The following ERBB3 variants were observed in gnomAD, a reference collection of about 807,000 sequenced individuals.
ERBB3 encodes the protein receptor tyrosine-protein kinase erbB-3.
In ERBB3, 96 loss-of-function variants were observed where a neutral mutation model predicts 156.7. That is an observed-to-expected ratio of 0.61 (90% confidence interval 0.52 to 0.73). The LOEUF (loss-of-function observed/expected upper bound fraction) is 0.73, where lower values mean the gene tolerates loss of function less well. Among genes scored for constraint, ERBB3 ranks in the 30% least tolerant of loss-of-function variants. ERBB3 has a pLI of 0.00. For synonymous variants in ERBB3, 567 were observed against 632.0 expected (o/e 0.90, Z 1.54); for missense variants, 1,406 against 1,709.4 (o/e 0.82, Z 3.13).
chr12:56,100,014 T>C lies in ERBB3; in HGVS notation c.3114T>C (p.Leu1038=), dbSNP rs1463054958. The C allele has an allele frequency of 6.2e-7, 1 of 1,614,224 alleles. No homozygotes were observed. The highest frequency in any genetic ancestry group is 1.1e-5 in the South Asian group (1 of 91,080). Residue 1038 remains leucine (L), a synonymous_variant, in exon 25 of 28, where the codon CTT becomes CTC. Coordinates refer to ENST00000267101, the MANE Select transcript of ERBB3 (RefSeq NM_001982.4). The stretch of plus-strand genomic sequence containing the variant: ...CCCTCAGCCTACCAGTTGGAACACT[T>C]AATCGGCCACGTGGGGTAAGACAAC... ...GSALSLPVGT[L]NRPRGSQSLL... is the part of the protein sequence containing the mutation.
intron 14 of ERBB3, 42 bp from the exon 15 acceptor site, chr12:56,094,360 C>T (rs763638733): frequency 6.2e-7 from 1 of 1,612,306 alleles, no homozygotes; most frequent in South Asian, 1.1e-5. Flanking sequence ...ATGGAATTGA[C>T]CTTGGGATCT....
In ERBB3 at chr12:56,097,967, C is replaced by T. The variant is rs775791630; in HGVS notation, c.2616+27C>T. 1.2e-5 allele frequency: 20 copies of T among 1,610,456 alleles called. No homozygotes were observed. The highest frequency in any genetic ancestry group is 1.0e-4 in the Admixed American group (6 of 59,946). The stretch of plus-strand genomic sequence containing the variant: ...TGAGGAGACACAAAGGGTAAGGAGG[C>T]GGGGGTGGAGTGAAGCATGGGGATA... On this transcript the variant is annotated intron_variant, in intron 21 of 27. Coordinates refer to ENST00000267101, the MANE Select transcript of ERBB3 (RefSeq NM_001982.4).
In ERBB3 at chr12:56,088,631, G is replaced by A. The variant is rs2136797472; in HGVS notation, c.963G>A (p.Glu321=). The stretch of plus-strand genomic sequence containing the variant: ...ATAAAAATGGGCTCAAGATGTGTGA[G>A]CCTTGTGGGGGACTATGTCCCAAAG... ...EVDKNGLKMC[E]PCGGLCPKAC... The change falls in exon 8 of 28, where the codon GAG becomes GAA. Residue 321 remains glutamate, a synonymous_variant. Transcript: ENST00000267101. 6.2e-7 allele frequency: 1 copy of A among 1,614,080 alleles called. No individual in the cohort carries two copies. The highest frequency in any genetic ancestry group is 8.5e-7 in the Non-Finnish European group (1 of 1,179,936).
rs1868760062 is a variant in ERBB3 at position 56,092,836 on chromosome 12, T to G, written c.1183+16T>G. 1.2e-6 allele frequency: 2 copies of G among 1,611,750 alleles called. No individual in the cohort carries two copies. The highest frequency in any genetic ancestry group is 1.1e-5 in the South Asian group (1 of 91,050). On this transcript the variant is annotated intron_variant, in intron 10 of 27. Transcript: ENST00000267101. ...GAGATCACAGGTGAGTGGCAGAGAG[T>G]TTGCCCTTTCTAGAAGAATAGGTGA...
intron 21 of ERBB3, 180 bp from the exon 22 acceptor site, chr12:56,098,320 G>A (rs574926709): frequency 3.4e-5 from 21 of 618,872 alleles, no homozygotes; most frequent in Non-Finnish European, 6.0e-5. Flanking sequence ...GCTGAGGCAG[G>A]AGAATGGCGT....
intron 7 of ERBB3, among the ~76,000 whole-genome samples, 170 bp downstream of exon 7, chr12:56,088,332 C>G (rs758443407): frequency 1.1e-4 from 17 of 152,236 alleles, no homozygotes; most frequent in Non-Finnish European, 2.1e-4. Context: ...CCTCCCATGA[C>G]TTCAGCTATC....
chr12:56,095,286 T>G lies in ERBB3; in HGVS notation c.1889T>G (p.Leu630Ter). The G allele has an allele frequency of 6.2e-7, 1 of 1,614,020 alleles. No homozygotes were observed. The highest frequency in any genetic ancestry group is 8.5e-7 in the Non-Finnish European group (1 of 1,179,848). Residue 630 changes from leucine to a stop codon, truncating the protein, a stop_gained, in exon 16 of 28, where the codon TTA becomes TGA. Coordinates refer to ENST00000267101, the MANE Select transcript of ERBB3 (RefSeq NM_001982.4). LOFTEE classifies it high-confidence loss of function. ...GCKGPELQDC[L>*]GQTLVLIGKT... ...AAAGGACCAGAGCTTCAAGACTGTT[T>G]AGGACAAACACTGGTGCTGATCGGG...
chr12:56,101,083 G>A lies in ERBB3; in HGVS notation c.3224G>A (p.Ser1075Asn), dbSNP rs1290054021. Residue 1075 changes from serine to asparagine, a missense_variant, in exon 27 of 28, where the codon AGT becomes AAT. Ser to Asn is a conservative substitution (Grantham distance 46, BLOSUM62 1). Transcript: ENST00000267101. Reference protein sequence around the residue: ...SCQESAVSGSSERCPRPVSLH... With the variant: ...SCQESAVSGSNERCPRPVSLH... ...TAGGAGTCTGCAGTTTCTGGGAGCA[G>A]TGAACGGTGCCCCCGTCCAGTCTCT... 6.2e-7 allele frequency: 1 copy of A among 1,613,996 alleles called. No individual in the cohort carries two copies. The highest frequency in any genetic ancestry group is 8.5e-7 in the Non-Finnish European group (1 of 1,179,980).
chr12:56,092,610 C>T, intron 9 of ERBB3, 137 bp from the exon 10 acceptor site: 2 of 725,952 alleles, frequency 2.8e-6, no homozygotes, highest in East Asian at 2.6e-5. Context: ...ATATTTCCCC[C>T]ATCCCAGCCA....
intron 13 of ERBB3, 81 bp downstream of exon 13, chr12:56,093,977 C>CTAA (rs1868806226): frequency 6.3e-7 from 1 of 1,589,664 alleles, no homozygotes; most frequent in African/African-American, 1.3e-5. Flanking sequence ...CAATAAAAGT[C>CTAA]TTTAGACAGC....
chr12:56,081,193 G>C (rs945469465), intron 1 of ERBB3, among the ~76,000 whole-genome samples: 2 of 152,184 alleles, frequency 1.3e-5, no homozygotes, highest in African/African-American at 4.8e-5. Flanking sequence ...CTCCTGCCTT[G>C]GGGAGTCCTT....
chr12:56,080,122 C>CT (rs1868333552), upstream of ERBB3: 16 of 652,328 alleles, frequency 2.5e-5, no homozygotes, highest in South Asian at 2.8e-4. Flanking sequence ...ACACACACCC[C>CT]TCCCCTGCCA....
intron 12 of ERBB3, 47 bp from the exon 13 acceptor site, chr12:56,093,717 G>C: frequency 6.2e-7 from 1 of 1,612,304 alleles, no homozygotes; most frequent in South Asian, 1.1e-5. Context: ...GAGAGGGCTT[G>C]CTGGGAGTCC....
At chr12:56,089,913 T>C (rs995117017) in intron 9 of ERBB3, among the ~76,000 whole-genome samples, 2 of 151,700 alleles carry the variant, frequency 1.3e-5, no homozygotes, top group African/African-American at 4.8e-5. Flanking sequence ...ACCTGTTTTT[T>C]TTTTTCCTTT....
At chr12:56,096,000 G>A in intron 17 of ERBB3, 194 bp downstream of exon 17, 1 of 649,538 alleles carries the variant, frequency 1.5e-6, no homozygotes, top group Non-Finnish European at 2.7e-6. Flanking sequence ...AAGAACACTG[G>A]TCAGAGAAAT....
chr12:56,100,382 C>A, intron 26 of ERBB3, 137 bp downstream of exon 26: 1 of 760,860 alleles, frequency 1.3e-6, no homozygotes, highest in Non-Finnish European at 2.4e-6. Flanking sequence ...TGGCTCACAC[C>A]TGTAATCCCA....
intron 1 of ERBB3, among the ~76,000 whole-genome samples, chr12:56,082,671 C>T (rs1010608600): frequency 6.6e-6 from 1 of 152,164 alleles, no homozygotes; most frequent in African/African-American, 2.4e-5. Context: ...TTCCCTGAAC[C>T]AGAGGAAAGA....
intron 21 of ERBB3, 134 bp from the exon 22 acceptor site, chr12:56,098,366 C>T (rs1227988794): frequency 7.0e-6 from 5 of 711,374 alleles, no homozygotes; most frequent in East Asian, 2.7e-5. Flanking sequence ...GGGCCGAGAT[C>T]GCACCACTGC....
rs79020757 is a variant in ERBB3, at chr12:56,095,122, A to T, written c.1860-135A>T. ...AGCTAGTGAGCTGGAGGTGGAGGCCATGTCTTGGGATCAGCTCTGGGCTCC... is the reference window on the plus strand; with the variant it reads ...AGCTAGTGAGCTGGAGGTGGAGGCCTTGTCTTGGGATCAGCTCTGGGCTCC... On this transcript the variant is annotated intron_variant, in intron 15 of 27. Transcript: ENST00000267101. The T allele has an allele frequency of 2.0e-4, 144 of 730,430 alleles. 1 individual carries two copies. In the East Asian group the frequency reaches 3.5e-3, roughly 18 times the overall value. The allele number at this position is 730,430 out of a possible 1,614,324, so 45.2% of individuals were successfully genotyped here. A position where few individuals can be genotyped will look rare whatever the true frequency, so the allele number is the denominator to read the frequency against.
Sources: gnomAD v4.1 joint callset for allele counts (sites outside exome capture counted in the v4.1 genomes callset) on GRCh38, gnomAD v4.1.1 for gene constraint, MANE v1.5 for transcripts, NCBI Gene and HGNC (gene_info 2026-07-23, HGNC 2026-07-21) for gene names.